Variants in GRK5 observed in about 807,000 individuals in gnomAD.
GRK5 encodes the protein G protein-coupled receptor kinase 5, also known as g protein-coupled receptor kinase GRK5.
Under a neutral mutation model 78.4 loss-of-function variants are expected in GRK5, and 40 were observed. The ratio of observed to expected loss-of-function variants is 0.51; its 90% CI spans 0.40 to 0.66. GRK5 has a LOEUF of 0.66. GRK5 is among the 30% of genes least tolerant of loss of function. GRK5 has a pLI of 0.00. For missense variants in GRK5, 598 were observed against 759.9 expected, an observed-to-expected ratio of 0.79 and a Z score of 2.50; for synonymous variants, 289 against 296.8, an observed-to-expected ratio of 0.97 and a Z score of 0.27.
Position 119,346,410 on chromosome 10 carries a change from A to G in GRK5, c.148+19799A>G, listed in dbSNP as rs1374756807. Among the ~76,000 whole-genome samples the G allele has an allele frequency of 3.9e-5, 6 of 152,234 alleles. No homozygotes were observed. The East Asian group carries it at 9.6e-4, about 24-fold the overall frequency. On this transcript the variant is annotated intron_variant, in intron 2 of 15. Transcript: ENST00000392870. The stretch of plus-strand genomic sequence containing the variant: ...CATTTGCTTCAGTTATTTACTGACC[A>G]TGATCTCCTAGGTCAGATTTATCAT...
intron 9 of GRK5, among the ~76,000 whole-genome samples, chr10:119,437,693 AT>A (rs901441601): frequency 1.4e-4 from 22 of 152,164 alleles, no homozygotes; most frequent in Non-Finnish European, 2.9e-4. Context: ...TTAATAATAT[AT>A]TTTTTTGCCT....
chr10:119,455,717 A>G lies in GRK5; in HGVS notation c.*650A>G, dbSNP rs1032477719. 6.3e-5 allele frequency: 14 copies of G among 223,532 alleles called. No individual in the cohort carries two copies. The highest frequency in any genetic ancestry group is 5.4e-4 in the Admixed American group (9 of 16,660). The allele number at this position is 223,532 out of a possible 1,614,324, so 13.8% of individuals were successfully genotyped here. ...CTTCTGTCGGCTTGGAACAATCTGA[A>G]TTAAATGTTCCAGACACACGTGGGA... On this transcript the variant is annotated 3_prime_UTR_variant, in exon 16 of 16. Transcript: ENST00000392870.
intron 4 of GRK5, 122 bp from the exon 5 acceptor site, chr10:119,423,044 C>CG: frequency 1.4e-6 from 1 of 713,610 alleles, no homozygotes; most frequent in Non-Finnish European, 2.5e-6. Context: ...GGGGCACAGA[C>CG]GGGCTGCCAG....
At chr10:119,394,025 TTG>T (rs1017925738) in intron 3 of GRK5, among the ~76,000 whole-genome samples, 4 of 128,288 alleles carry the variant, frequency 3.1e-5, no homozygotes, top group African/African-American at 1.2e-4. Flanking sequence ...GCGGGTGTGT[TTG>T]TGTGGATGGG....
At chr10:119,440,831 A>G (rs1208462537) in intron 10 of GRK5, among the ~76,000 whole-genome samples, 2 of 152,048 alleles carry the variant, frequency 1.3e-5, no homozygotes, top group Non-Finnish European at 2.9e-5. Context: ...GATTACAGGC[A>G]TGAGCCACCG....
chr10:119,452,346 A>C lies in GRK5; in HGVS notation c.1405-325A>C, dbSNP rs752357646. 2.5e-5 allele frequency: 8 copies of C among 322,106 alleles called. No homozygotes were observed. The highest frequency in any genetic ancestry group is 4.7e-5 in the Non-Finnish European group (8 of 169,872). 20.0% of individuals were successfully genotyped at this position (322,106 alleles called of 1,614,324 possible). ...GGAATGAGCCCTGGGCTGGGCACCC[A>C]GGTGCCCCGAGCTCCTGTGTCACCC... On this transcript the variant is annotated intron_variant, in intron 13 of 15. Transcript: ENST00000392870. This position sits in a 1 kb window ranked among gnomAD's most constrained non-coding sequence, Gnocchi z 4.4.
At chr10:119,346,908 T>C (rs1008221381) in intron 2 of GRK5, among the ~76,000 whole-genome samples, 1 of 152,208 alleles carries the variant, frequency 6.6e-6, no homozygotes, top group Non-Finnish European at 1.5e-5. Flanking sequence ...TGGAGGGTAT[T>C]GCATAGAATC....
rs1271304874 is a variant in GRK5, at chr10:119,457,665, C to T, written c.*2598C>T. ...TTCCCTGACTCGCTCCTCCTCCAAC[C>T]TTGGTTTCTATAGCTGCATTTTTTT... On this transcript the variant is annotated 3_prime_UTR_variant, in exon 16 of 16. Coordinates refer to ENST00000392870, the MANE Select transcript of GRK5 (RefSeq NM_005308.3). The T allele has an allele frequency of 1.3e-5, 2 of 150,372 alleles. No homozygotes were observed. The highest frequency in any genetic ancestry group is 6.7e-5 in the Admixed American group (1 of 14,900). 9.3% of individuals were successfully genotyped at this position (150,372 alleles called of 1,614,324 possible). A position where few individuals can be genotyped will look rare whatever the true frequency, so the allele number is the denominator to read the frequency against.
At position 119,455,101 on chromosome 10, in the gene GRK5, C is replaced by G. The variant is rs1004768788; in HGVS notation, c.*34C>G. On this transcript the variant is annotated 3_prime_UTR_variant, in exon 16 of 16. Transcript: ENST00000392870. ...CTGGCCTCCAAGTCCACAGTGGAAC[C>G]AGCCCAGACCCTTCTCCTTAGAAGT... 10 of 1,467,360 alleles carry G rather than the reference C, an allele frequency of 6.8e-6. No homozygotes were observed. The African/African-American group carries it at 9.7e-5, about 14-fold the overall frequency. 90.9% of individuals were successfully genotyped at this position (1,467,360 alleles called of 1,614,324 possible). A position where few individuals can be genotyped will look rare whatever the true frequency, so the allele number is the denominator to read the frequency against.
At position 119,271,654 on chromosome 10, in the gene GRK5, G is replaced by A. The variant is rs994454330; in HGVS notation, c.53-54862G>A. On this transcript the variant is annotated intron_variant, in intron 1 of 15. Coordinates refer to ENST00000392870, the MANE Select transcript of GRK5 (RefSeq NM_005308.3). The surrounding 1 kb of genome is among the most constrained non-coding windows in gnomAD (Gnocchi z 4.1). The stretch of plus-strand genomic sequence containing the variant: ...GTGCGGGGTTTTGTCGCCACCTTTG[G>A]CAATGGAAGAGGGGAACGTGGGGCC... 6.6e-6 allele frequency among the ~76,000 whole-genome samples: 1 copy of A among 152,148 alleles called. No individual in the cohort carries two copies. Among genetic ancestry groups the A allele is most frequent in the Non-Finnish European group, 1.5e-5 (1 of 68,014 alleles).
intron 2 of GRK5, among the ~76,000 whole-genome samples, chr10:119,331,778 C>A (rs1455089232): frequency 1.3e-5 from 2 of 152,208 alleles, no homozygotes; most frequent in Admixed American, 1.3e-4. Context: ...CTCTACCTAG[C>A]AGCCAGGGTG....
chr10:119,266,993 C>G (rs1210813558), intron 1 of GRK5, among the ~76,000 whole-genome samples: 2 of 152,086 alleles, frequency 1.3e-5, no homozygotes, highest in African/African-American at 4.8e-5. Flanking sequence ...CCTGTAATCC[C>G]AGCACTTTGG....
intron 1 of GRK5, among the ~76,000 whole-genome samples, chr10:119,259,606 C>G (rs545727494): frequency 4.8e-4 from 73 of 152,238 alleles, no homozygotes; most frequent in African/African-American, 1.7e-3. Context: ...AGTGGCCTGC[C>G]CTGGGCCAAC....
chr10:119,272,130 T>C (rs1014789594), intron 1 of GRK5, among the ~76,000 whole-genome samples: 1 of 152,186 alleles, frequency 6.6e-6, no homozygotes, highest in African/African-American at 2.4e-5. Context: ...ACTTCTGCCT[T>C]GTATGGGACC....
In GRK5 at chr10:119,326,571, C is replaced by T. The variant is rs780564165; in HGVS notation, c.108C>T (p.Phe36=). ...AGAAGTGGAAAGAAATCCTGAAGTT[C>T]CCTCACATTAGCCAGTGTGAAGACC... The part of the protein sequence containing the change: ...KSKKWKEILK[F]PHISQCEDLR... The change falls in exon 2 of 16, where the codon TTC becomes TTT. Residue 36 remains phenylalanine (F), a synonymous_variant. Coordinates refer to ENST00000392870, the MANE Select transcript of GRK5 (RefSeq NM_005308.3). 7 of 1,614,136 alleles carry T rather than the reference C, an allele frequency of 4.3e-6. No homozygotes were observed. In the South Asian group the frequency reaches 7.7e-5, roughly 18 times the overall value.
At position 119,443,769 on chromosome 10, in the gene GRK5, C is replaced by A. The variant is rs761410298; in HGVS notation, c.1266+17C>A. 12 of 1,578,606 alleles carry A rather than the reference C, an allele frequency of 7.6e-6. No individual in the cohort carries two copies. The highest frequency in any genetic ancestry group is 1.1e-5 in the South Asian group (1 of 89,166). Reference sequence around the variant, plus strand: ...TGCAAGATGGTGAGCTCCTGGTGGCCAGATGCCACCCTCAAGCTGGTGGCT... The same window carrying A: ...TGCAAGATGGTGAGCTCCTGGTGGCAAGATGCCACCCTCAAGCTGGTGGCT... On this transcript the variant is annotated intron_variant, in intron 12 of 15. Coordinates refer to ENST00000392870, the MANE Select transcript of GRK5 (RefSeq NM_005308.3).
intron 1 of GRK5, among the ~76,000 whole-genome samples, chr10:119,218,132 G>C (rs1283548723): frequency 2.6e-5 from 4 of 151,448 alleles, no homozygotes; most frequent in Non-Finnish European, 5.9e-5. Context: ...CTGCTTTTCA[G>C]GGGGCTTTGT....
At chr10:119,295,922 C>G (rs1850072333) in intron 1 of GRK5, among the ~76,000 whole-genome samples, 3 of 151,774 alleles carry the variant, frequency 2.0e-5, no homozygotes, top group South Asian at 4.2e-4. Context: ...CACCTGTACC[C>G]CAATAACTTA....
At chr10:119,320,492 A>G (rs1374746519) in intron 1 of GRK5, among the ~76,000 whole-genome samples, 1 of 152,226 alleles carries the variant, frequency 6.6e-6, no homozygotes, top group Non-Finnish European at 1.5e-5. Context: ...GTGCAGTTCA[A>G]CACAGAGACA....
Sources: allele counts gnomAD v4.1 joint callset (sites outside exome capture counted in the v4.1 genomes callset), GRCh38; gene constraint gnomAD v4.1.1; non-coding constraint Gnocchi (gnomAD v3.1); transcripts MANE v1.5; gene names NCBI Gene and HGNC (gene_info 2026-07-23, HGNC 2026-07-21).